The following FGF14 variants were observed in gnomAD, a reference collection of about 807,000 sequenced individuals.
FGF14 encodes the protein fibroblast growth factor 14.
In FGF14, 5 loss-of-function variants were observed where a neutral mutation model predicts 25.5. That is an observed-to-expected ratio of 0.20 (90% confidence interval 0.10 to 0.41). The LOEUF is 0.41. Among genes scored for constraint, FGF14 ranks in the 10% least tolerant of loss-of-function variants. FGF14 has a pLI of 1.00. For missense variants in FGF14, 222 were observed against 320.1 expected, an observed-to-expected ratio of 0.69 and a Z score of 2.34; for synonymous variants, 138 against 118.3, an observed-to-expected ratio of 1.17 and a Z score of -1.08.
chr13:102,276,353 G>GTGTATATATA (rs1269490387), intron 1 of FGF14, among the ~76,000 whole-genome samples: 13 of 103,288 alleles, frequency 1.3e-4, no homozygotes, highest in African/African-American at 4.9e-4. Flanking sequence ...GTGTGTGTGT[G>GTGTATATATA]TATATATATA....
At position 102,207,525 on chromosome 13, in the gene FGF14, A is replaced by C. The variant is rs577769470; in HGVS notation, c.208+193946T>G. 5.1e-4 allele frequency among the ~76,000 whole-genome samples: 77 copies of C among 151,614 alleles called. 1 individual carries two copies. Among genetic ancestry groups the C allele is most frequent in the African/African-American group, 1.8e-3 (74 of 41,326 alleles). On this transcript the variant is annotated intron_variant, in intron 1 of 4. Transcript: ENST00000376131. ...ATGAGGGGGAGAGTCAAAGTATCTGAAAAGCATTTGAAAAATGCTGGTCTT... is the reference window on the plus strand; with the variant it reads ...ATGAGGGGGAGAGTCAAAGTATCTGCAAAGCATTTGAAAAATGCTGGTCTT...
chr13:102,170,193 T>C (rs2048189308), intron 1 of FGF14, among the ~76,000 whole-genome samples: 2 of 151,900 alleles, frequency 1.3e-5, no homozygotes, highest in Non-Finnish European at 2.9e-5. Context: ...GCTCCTGGTA[T>C]GTTAAAAGAG....
chr13:102,264,743 G>A (rs2052901468), intron 1 of FGF14, among the ~76,000 whole-genome samples: 1 of 152,186 alleles, frequency 6.6e-6, no homozygotes, highest in Non-Finnish European at 1.5e-5. Context: ...TGGAGTCAGA[G>A]AAGTTTCCCT....
intron 1 of FGF14, among the ~76,000 whole-genome samples, chr13:101,886,772 GA>G (rs1001006060): frequency 2.0e-5 from 3 of 152,098 alleles, no homozygotes; most frequent in African/African-American, 7.2e-5. Context: ...TACAGAATGA[GA>G]AAATATTTGC....
intron 3 of FGF14, among the ~76,000 whole-genome samples, chr13:101,731,579 C>T (rs1166686567): frequency 1.3e-5 from 2 of 152,164 alleles, no homozygotes; most frequent in African/African-American, 4.8e-5. Flanking sequence ...AGCAGAATTC[C>T]TCTTCTGAGG....
At chr13:102,192,634 T>G (rs913698856) in intron 1 of FGF14, among the ~76,000 whole-genome samples, 9 of 152,180 alleles carry the variant, frequency 5.9e-5, no homozygotes, top group Admixed American at 3.9e-4. Context: ...ATTATCTAAT[T>G]TTATCACTTG....
rs190551020 is a variant in FGF14, at chr13:101,847,917, G to T, written c.408+20808C>A. On this transcript the variant is annotated intron_variant, in intron 3 of 4. Coordinates refer to ENST00000376143, the MANE Select transcript of FGF14 (RefSeq NM_004115.4). ...AAACATCTGAGAGAAAGAAAATTAT[G>T]ATTAAAATGTAGTCTACCTTGCATT... is the stretch of plus-strand genomic sequence containing the variant. Among the ~76,000 whole-genome samples the T allele has an allele frequency of 6.7e-3, 1,016 of 152,062 alleles. 10 individuals are homozygous for T. Among genetic ancestry groups the T allele is most frequent in the South Asian group, 0.018 (85 of 4,824 alleles).
At chr13:102,122,502 C>T (rs1462371714) in intron 1 of FGF14, among the ~76,000 whole-genome samples, 6 of 152,176 alleles carry the variant, frequency 3.9e-5, no homozygotes, top group East Asian at 1.9e-4. Flanking sequence ...ATATAGAGCG[C>T]TCTCCCCAAA....
chr13:101,948,464 T>TTA (rs1555325736), intron 1 of FGF14, among the ~76,000 whole-genome samples: 3 of 145,572 alleles, frequency 2.1e-5, no homozygotes, highest in African/African-American at 7.7e-5. Context: ...TAAAGTATAA[T>TTA]AAAAAAATAT....
At chr13:101,833,218 G>C (rs886386703) in intron 3 of FGF14, among the ~76,000 whole-genome samples, 2 of 152,004 alleles carry the variant, frequency 1.3e-5, no homozygotes, top group African/African-American at 4.8e-5. Context: ...GCTTTTAAAG[G>C]ATCAGTGTAG....
At chr13:102,074,512 A>T (rs2043282206) in intron 1 of FGF14, among the ~76,000 whole-genome samples, 1 of 152,250 alleles carries the variant, frequency 6.6e-6, no homozygotes, top group Non-Finnish European at 1.5e-5. Flanking sequence ...CTGGAAACAC[A>T]ACTGTAAACA....
intron 1 of FGF14, among the ~76,000 whole-genome samples, chr13:101,953,570 G>GTGTGTGTGTGTATATATATATA (rs532696085): frequency 3.6e-5 from 5 of 138,074 alleles, no homozygotes; most frequent in African/African-American, 1.3e-4. Context: ...GTGTGTGTGT[G>GTGTGTGTGTGTATATATATATA]TATATATATA....
At chr13:102,243,744 G>A (rs1363676706) in intron 1 of FGF14, among the ~76,000 whole-genome samples, 1 of 150,320 alleles carries the variant, frequency 6.7e-6, no homozygotes, top group African/African-American at 2.4e-5. Flanking sequence ...GTTAAAATAA[G>A]TGTTTAGCCT....
chr13:102,011,850 A>G (rs1032014851), intron 1 of FGF14, among the ~76,000 whole-genome samples: 3 of 152,184 alleles, frequency 2.0e-5, no homozygotes, highest in African/African-American at 7.2e-5. Flanking sequence ...TGCCAAGGAA[A>G]TATTTTCCCA....
chr13:102,078,307 G>A (rs748225236), intron 1 of FGF14, among the ~76,000 whole-genome samples: 4 of 152,056 alleles, frequency 2.6e-5, no homozygotes, highest in Non-Finnish European at 4.4e-5. Context: ...ATAAGTACAC[G>A]AGGTGATGCA....
chr13:101,936,112 T>C (rs546224454), intron 1 of FGF14, among the ~76,000 whole-genome samples: 5 of 152,294 alleles, frequency 3.3e-5, no homozygotes, highest in African/African-American at 1.2e-4. Context: ...ATTTAATCCT[T>C]GAGACAATTT....
At chr13:101,724,843 TAAA>T (rs909879897) in intron 4 of FGF14, among the ~76,000 whole-genome samples, 6 of 151,576 alleles carry the variant, frequency 4.0e-5, no homozygotes, top group African/African-American at 1.4e-4. Flanking sequence ...TTTGAAAACA[TAAA>T]AAGTATTATT....
At chr13:102,323,225 C>G (rs116668258) in intron 1 of FGF14, among the ~76,000 whole-genome samples, 8 of 152,296 alleles carry the variant, frequency 5.3e-5, no homozygotes, top group Middle Eastern at 3.4e-3. Flanking sequence ...TGTTCCATGT[C>G]AGTTTGAGAC....
chr13:101,930,921 C>T (rs573388625), intron 1 of FGF14, among the ~76,000 whole-genome samples: 11 of 152,270 alleles, frequency 7.2e-5, no homozygotes, highest in Admixed American at 6.5e-5. Flanking sequence ...TCCACTTAGA[C>T]GGTCCAACAA....
Sources: gnomAD v4.1 joint callset for allele counts (sites outside exome capture counted in the v4.1 genomes callset) on GRCh38, gnomAD v4.1.1 for gene constraint, MANE v1.5 for transcripts, NCBI Gene and HGNC (gene_info 2026-07-23, HGNC 2026-07-21) for gene names.